Variants in SORCS3 observed in about 807,000 individuals in gnomAD.
The protein encoded by SORCS3 is VPS10 domain-containing receptor SorCS3.
SORCS3 carries 57 observed loss-of-function variants against 146.3 expected under a neutral mutation model. The observed-to-expected ratio is 0.39, with a 90% CI of 0.31 to 0.49. The LOEUF is 0.49. Ranked by LOEUF, SORCS3 falls within the 20% of genes least tolerant of loss-of-function variation. The pLI, the probability that SORCS3 is intolerant of heterozygous loss-of-function variation, is 0.92. For missense variants in SORCS3, 1,341 were observed against 1,575.5 expected (o/e 0.85, Z 2.52); for synonymous variants, 653 against 618.5 (o/e 1.06, Z -0.83).
At chr10:104,838,709 T>C (rs2018101883) in intron 1 of SORCS3, among the ~76,000 whole-genome samples, 1 of 152,098 alleles carries the variant, frequency 6.6e-6, no homozygotes, top group Non-Finnish European at 1.5e-5. Context: ...AATCTCACCG[T>C]GGTGGGGTGG....
At chr10:105,023,848 T>G (rs2055211711) in intron 4 of SORCS3, among the ~76,000 whole-genome samples, 1 of 152,016 alleles carries the variant, frequency 6.6e-6, no homozygotes, top group Admixed American at 6.6e-5. Context: ...AAATGCTAAG[T>G]TTCCTGGCAA....
intron 9 of SORCS3, among the ~76,000 whole-genome samples, chr10:105,149,128 T>A (rs2056151581): frequency 6.6e-6 from 1 of 152,098 alleles, no homozygotes; most frequent in Non-Finnish European, 1.5e-5. Context: ...GAACTGTGAG[T>A]CAATCAAACC....
chr10:105,092,603 TCACAAACA>T (rs1299233520), intron 6 of SORCS3, among the ~76,000 whole-genome samples: 1 of 97,548 alleles, frequency 1.0e-5, no homozygotes, highest in African/African-American at 4.0e-5. Flanking sequence ...ACTTGTGCAT[TCACAAACA>T]CACACACACA....
intron 1 of SORCS3, among the ~76,000 whole-genome samples, chr10:104,738,543 T>C (rs748300569): frequency 1.5e-4 from 23 of 152,280 alleles, no homozygotes; most frequent in Non-Finnish European, 2.8e-4. Context: ...ATATCGTCTT[T>C]AGGGGACTGT....
At chr10:104,922,318 A>G (rs2019095169) in intron 3 of SORCS3, among the ~76,000 whole-genome samples, 1 of 152,242 alleles carries the variant, frequency 6.6e-6, no homozygotes, top group East Asian at 1.9e-4. Context: ...CTGTTGAACA[A>G]TCTTTTAAAA....
intron 7 of SORCS3, among the ~76,000 whole-genome samples, chr10:105,115,759 G>GA (rs936376643): frequency 6.6e-6 from 1 of 151,900 alleles, no homozygotes; most frequent in Non-Finnish European, 1.5e-5. Flanking sequence ...CTATCTTTCT[G>GA]AAAAAAACCC....
chr10:104,656,473 A>G (rs923996205), intron 1 of SORCS3, among the ~76,000 whole-genome samples: 2 of 151,762 alleles, frequency 1.3e-5, no homozygotes, highest in African/African-American at 4.8e-5. Flanking sequence ...ACATGGAGAA[A>G]CTCTGTCTCT....
intron 1 of SORCS3, among the ~76,000 whole-genome samples, chr10:104,792,317 G>A (rs373343802): frequency 2.0e-5 from 3 of 152,182 alleles, no homozygotes; most frequent in Admixed American, 6.5e-5. Context: ...TGGAAGATCT[G>A]TAGTAGGGCT....
At chr10:105,039,449 C>CCCTTTTTTTTT (rs2055325390) in intron 4 of SORCS3, among the ~76,000 whole-genome samples, 1 of 136,286 alleles carries the variant, frequency 7.3e-6, no homozygotes. Flanking sequence ...CTCTCTCGCT[C>CCCTTTTTTTTT]TCTTTTTTTT....
intron 4 of SORCS3, among the ~76,000 whole-genome samples, chr10:105,037,320 G>A (rs1045615717): frequency 6.6e-6 from 1 of 152,216 alleles, no homozygotes; most frequent in Non-Finnish European, 1.5e-5. Flanking sequence ...GGCAGGGGGT[G>A]TGAGATGCCC....
chr10:104,978,345 A>T lies in SORCS3; in HGVS notation c.954+852A>T, dbSNP rs1024414988. 3.9e-5 allele frequency among the ~76,000 whole-genome samples: 6 copies of T among 152,212 alleles called. No homozygotes were observed. In the South Asian group the frequency reaches 1.0e-3, roughly 26 times the overall value. ...CCATTTTGTTATTTTCTAAAAATAC[A>T]TTAAAGATCTAGTGACCCCAATAAG... On this transcript the variant is annotated intron_variant, in intron 4 of 26. Coordinates refer to ENST00000369701, the MANE Select transcript of SORCS3 (RefSeq NM_014978.3).
At chr10:105,130,289 T>C (rs1176647842) in intron 7 of SORCS3, among the ~76,000 whole-genome samples, 1 of 152,148 alleles carries the variant, frequency 6.6e-6, no homozygotes, top group East Asian at 1.9e-4. Flanking sequence ...TTACTTACTA[T>C]GCAATTGGAA....
intron 4 of SORCS3, among the ~76,000 whole-genome samples, chr10:104,998,433 G>T (rs1374662420): frequency 2.0e-5 from 3 of 152,112 alleles, no homozygotes; most frequent in African/African-American, 7.2e-5. Context: ...TCATAAACCA[G>T]CTCTGCAGAA....
At chr10:105,153,103 C>T (rs1391348700) in intron 9 of SORCS3, among the ~76,000 whole-genome samples, 5 of 152,062 alleles carry the variant, frequency 3.3e-5, no homozygotes. Context: ...CCCTTATTGC[C>T]CTTTTGTAGT....
chr10:104,867,494 A>G (rs566302813), intron 2 of SORCS3, among the ~76,000 whole-genome samples: 1 of 152,154 alleles, frequency 6.6e-6, no homozygotes, highest in East Asian at 1.9e-4. Context: ...TATTTTTAGT[A>G]GAGACAGGGT....
chr10:105,177,921 G>A, intron 13 of SORCS3, 145 bp from the exon 14 acceptor site: 1 of 627,014 alleles, frequency 1.6e-6, no homozygotes, highest in Admixed American at 3.1e-5. Context: ...AATAATATGG[G>A]GAGATGTTGA....
intron 1 of SORCS3, among the ~76,000 whole-genome samples, chr10:104,676,166 G>T (rs191607113): frequency 1.3e-3 from 195 of 152,014 alleles, no homozygotes; most frequent in Non-Finnish European, 2.3e-3. Context: ...AAGGTGTTTT[G>T]TGTCTTCATA....
At chr10:104,928,224 G>T (rs1202314776) in intron 3 of SORCS3, among the ~76,000 whole-genome samples, 1 of 152,134 alleles carries the variant, frequency 6.6e-6, no homozygotes, top group Non-Finnish European at 1.5e-5. Context: ...CTGAGCAGGG[G>T]CTTGAAAGCA....
chr10:105,107,313 A>ATT (rs34529775), intron 7 of SORCS3, among the ~76,000 whole-genome samples: 32 of 134,366 alleles, frequency 2.4e-4, no homozygotes, highest in Non-Finnish European at 3.4e-4. Flanking sequence ...TTCTATTTAG[A>ATT]TTTTTTTTTT....
Sources: gnomAD v4.1 joint callset for allele counts (sites outside exome capture counted in the v4.1 genomes callset) on GRCh38, gnomAD v4.1.1 for gene constraint, MANE v1.5 for transcripts, NCBI Gene and HGNC (gene_info 2026-07-23, HGNC 2026-07-21) for gene names.